SLC35F1: variants seen among roughly 807,000 people sequenced by gnomAD.
The protein encoded by SLC35F1 is solute carrier family 35 member F1, also known as chromosome 6 open reading frame 169.
In SLC35F1, 14 loss-of-function variants were observed where a neutral mutation model predicts 48.7. The ratio of observed to expected loss-of-function variants is 0.29; its 90% confidence interval spans 0.19 to 0.45. The LOEUF (loss-of-function observed/expected upper bound fraction) is 0.45, where lower values mean the gene tolerates loss of function less well. Ranked by LOEUF, SLC35F1 falls within the 20% of genes least tolerant of loss-of-function variation. The probability of loss-of-function intolerance (pLI) is 1.00; values close to 1 mark genes in which losing one functional copy is unlikely to be tolerated. For synonymous variants in SLC35F1, 190 were observed against 202.2 expected, an observed-to-expected ratio of 0.94 and a Z score of 0.51; for missense variants, 404 against 500.0, an observed-to-expected ratio of 0.81 and a Z score of 1.83.
intron 2 of SLC35F1, among the ~76,000 whole-genome samples, chr6:118,160,351 G>A (rs924767989): frequency 6.6e-5 from 10 of 152,178 alleles, no homozygotes; most frequent in African/African-American, 2.4e-4. Context: ...AAAGCAATTT[G>A]ATGAGTATGG....
intron 1 of SLC35F1, among the ~76,000 whole-genome samples, chr6:117,910,624 G>C (rs1379808815): frequency 6.6e-6 from 1 of 152,220 alleles, no homozygotes; most frequent in Admixed American, 6.5e-5. Flanking sequence ...ATGGTTAGCA[G>C]CATTCTATTG....
At chr6:117,920,376 C>A (rs1195647008) in intron 1 of SLC35F1, among the ~76,000 whole-genome samples, 2 of 152,158 alleles carry the variant, frequency 1.3e-5, no homozygotes, top group African/African-American at 2.4e-5. Flanking sequence ...GCGAAATTAA[C>A]CGTTTTTCCT....
rs543559067 is a variant in SLC35F1 at position 118,314,929 on chromosome 6, T to G, written c.*677T>G. 4 of 153,390 alleles carry G rather than the reference T, an allele frequency of 2.6e-5. No homozygotes were observed. The East Asian group carries it at 7.7e-4, about 30-fold the overall frequency. The allele number at this position is 153,390 out of a possible 1,614,324, so 9.5% of individuals were successfully genotyped here. A position where few individuals can be genotyped will look rare whatever the true frequency, so the allele number is the denominator to read the frequency against. ...AGCCTTTTTATATTTCGATCTCTGA[T>G]TACTCCAGGCCATTGCCTTTCTGTT... On this transcript the variant is annotated 3_prime_UTR_variant, in exon 8 of 8. Transcript: ENST00000360388.
At chr6:118,298,546 G>C (rs1372929205) in intron 7 of SLC35F1, among the ~76,000 whole-genome samples, 1 of 152,090 alleles carries the variant, frequency 6.6e-6, no homozygotes, top group East Asian at 1.9e-4. Context: ...GTACATAATG[G>C]TTTCTATTCC....
intron 1 of SLC35F1, among the ~76,000 whole-genome samples, chr6:118,035,581 T>A (rs981843708): frequency 2.0e-5 from 3 of 146,842 alleles, no homozygotes; most frequent in Admixed American, 1.4e-4. Flanking sequence ...GCCAGTGCAC[T>A]CCAGTTTAGG....
rs558052605 is a variant in SLC35F1 at position 118,239,458 on chromosome 6, A to G, written c.477+3822A>G. ...ATGTATTAATGGACCTAAGGGGGAA[A>G]TGAGGAGTGACTTTCCTGTTTGGAA... On this transcript the variant is annotated intron_variant, in intron 3 of 7. Coordinates refer to ENST00000360388, the MANE Select transcript of SLC35F1 (RefSeq NM_001029858.4). Among the ~76,000 whole-genome samples the G allele has an allele frequency of 4.6e-5, 7 of 150,778 alleles. No individual in the cohort carries two copies. The South Asian group carries it at 1.5e-3, about 32-fold the overall frequency.
intron 1 of SLC35F1, among the ~76,000 whole-genome samples, chr6:117,934,091 C>T (rs778827652): frequency 2.0e-5 from 3 of 152,056 alleles, no homozygotes; most frequent in African/African-American, 4.8e-5. Flanking sequence ...GGGAATGAGC[C>T]GCTGAAGGGT....
At chr6:118,149,150 G>C (rs147159291) in intron 1 of SLC35F1, among the ~76,000 whole-genome samples, 1 of 152,150 alleles carries the variant, frequency 6.6e-6, no homozygotes, top group Admixed American at 6.6e-5. Flanking sequence ...AGTGCCAATA[G>C]TGATAGGGAA....
intron 1 of SLC35F1, among the ~76,000 whole-genome samples, chr6:118,082,024 C>T (rs931524983): frequency 6.6e-6 from 1 of 152,198 alleles, no homozygotes; most frequent in African/African-American, 2.4e-5. Flanking sequence ...TGATGATCAG[C>T]TTAATCCATT....
chr6:118,094,481 G>T (rs1773120159), intron 1 of SLC35F1, among the ~76,000 whole-genome samples: 1 of 152,002 alleles, frequency 6.6e-6, no homozygotes, highest in Non-Finnish European at 1.5e-5. Flanking sequence ...AGATGGTGTG[G>T]GATTATGGGG....
In SLC35F1 at chr6:117,926,255, T is replaced by A. The variant is rs148011937; in HGVS notation, c.173+18356T>A. Among the ~76,000 whole-genome samples, 6 of 152,230 alleles carry A rather than the reference T, an allele frequency of 3.9e-5. No individual in the cohort carries two copies. In the East Asian group the frequency reaches 1.2e-3, roughly 29 times the overall value. On this transcript the variant is annotated intron_variant, in intron 1 of 7. Transcript: ENST00000360388. ...ATGAGATATGATGGTTTTATAAGCATCTAGCATTTCCCCTGCTTGCACTCA... is the reference window on the plus strand; with the variant it reads ...ATGAGATATGATGGTTTTATAAGCAACTAGCATTTCCCCTGCTTGCACTCA...
chr6:118,022,843 T>C (rs978202917), intron 1 of SLC35F1, among the ~76,000 whole-genome samples: 3 of 150,602 alleles, frequency 2.0e-5, no homozygotes, highest in South Asian at 2.1e-4. Context: ...CTCCGCCTCC[T>C]GGGTTCGCGC....
At chr6:118,106,641 C>A (rs1465560448) in intron 1 of SLC35F1, among the ~76,000 whole-genome samples, 1 of 152,176 alleles carries the variant, frequency 6.6e-6, no homozygotes, top group Non-Finnish European at 1.5e-5. Context: ...AACAAAAAGA[C>A]TACTGTTTAA....
At chr6:117,980,436 G>A (rs1776761902) in intron 1 of SLC35F1, among the ~76,000 whole-genome samples, 1 of 152,176 alleles carries the variant, frequency 6.6e-6, no homozygotes, top group Non-Finnish European at 1.5e-5. Context: ...TGTTGTATAT[G>A]TTGAGGTGCC....
At chr6:118,137,472 T>G (rs1198582122) in intron 1 of SLC35F1, among the ~76,000 whole-genome samples, 3 of 151,906 alleles carry the variant, frequency 2.0e-5, no homozygotes, top group Non-Finnish European at 4.4e-5. Flanking sequence ...GGGAAAGGAG[T>G]TCCCCCCTCC....
chr6:118,028,096 T>G, intron 1 of SLC35F1, among the ~76,000 whole-genome samples: 1 of 152,290 alleles, frequency 6.6e-6, no homozygotes, highest in Middle Eastern at 3.4e-3. Flanking sequence ...ATTCCAAGAC[T>G]TTATCTTCAA....
At chr6:118,249,043 C>T (rs1477178292) in intron 3 of SLC35F1, among the ~76,000 whole-genome samples, 1 of 152,218 alleles carries the variant, frequency 6.6e-6, no homozygotes, top group African/African-American at 2.4e-5. Flanking sequence ...AGGGCGTGGG[C>T]CCCTACCAGA....
chr6:117,937,472 A>G (rs1022792170), intron 1 of SLC35F1, among the ~76,000 whole-genome samples: 1 of 152,198 alleles, frequency 6.6e-6, no homozygotes, highest in Non-Finnish European at 1.5e-5. Flanking sequence ...ATCAACCACT[A>G]AAAAACTCCT....
chr6:118,047,905 C>G (rs995892599), intron 1 of SLC35F1, among the ~76,000 whole-genome samples: 1 of 152,136 alleles, frequency 6.6e-6, no homozygotes, highest in Non-Finnish European at 1.5e-5. Flanking sequence ...CTGGCCAGAA[C>G]TTCCAACACT....
Sources: gnomAD v4.1 joint callset for allele counts (sites outside exome capture counted in the v4.1 genomes callset) on GRCh38, gnomAD v4.1.1 for gene constraint, MANE v1.5 for transcripts, NCBI Gene and HGNC (gene_info 2026-07-23, HGNC 2026-07-21) for gene names.